The following SNX31 variants were observed in gnomAD, a reference collection of about 807,000 sequenced individuals.
SNX31 encodes the protein sorting nexin 31.
SNX31 carries 58 observed loss-of-function variants against 65.4 expected under a neutral mutation model. The ratio of observed to expected loss-of-function variants is 0.89; its 90% CI spans 0.72 to 1.10. The LOEUF (loss-of-function observed/expected upper bound fraction) is 1.10, where lower values mean the gene tolerates loss of function less well. Ranked by LOEUF, SNX31 falls within the 50% of genes least tolerant of loss-of-function variation. SNX31 has a pLI of 0.00. For synonymous variants in SNX31, 181 were observed against 190.1 expected (o/e 0.95, Z 0.39); for missense variants, 523 against 529.7 (o/e 0.99, Z 0.12).
chr8:100,574,353 G>A (rs1812857260), intron 13 of SNX31, among the ~76,000 whole-genome samples: 1 of 152,212 alleles, frequency 6.6e-6, no homozygotes, highest in African/African-American at 2.4e-5. Context: ...AGGCTGGGCG[G>A]CCAGGCGCAG....
chr8:100,636,157 A>G (rs1818759944), intron 2 of SNX31, 146 bp from the exon 3 acceptor site: 4 of 591,864 alleles, frequency 6.8e-6, no homozygotes, highest in Non-Finnish European at 1.2e-5. Flanking sequence ...GGAAAAGAGG[A>G]CAATCTGATT....
At chr8:100,601,688 T>G (rs531552423) in intron 8 of SNX31, among the ~76,000 whole-genome samples, 1 of 152,198 alleles carries the variant, frequency 6.6e-6, no homozygotes, top group Non-Finnish European at 1.5e-5. Context: ...AGGGTAACCA[T>G]CATCAGCAAG....
chr8:100,595,025 G>A (rs76517388), intron 10 of SNX31, among the ~76,000 whole-genome samples: 9,337 of 152,174 alleles, frequency 0.061, 848 homozygotes, highest in African/African-American at 0.19. Context: ...AAATTATGCA[G>A]AGCAAAAATG....
intron 7 of SNX31, among the ~76,000 whole-genome samples, chr8:100,611,095 T>C (rs1286601725): frequency 6.6e-6 from 1 of 152,214 alleles, no homozygotes; most frequent in African/African-American, 2.4e-5. Context: ...TGCAGAGGGA[T>C]ACTTGTGTCC....
chr8:100,615,125 G>A (rs1369601518), intron 5 of SNX31, among the ~76,000 whole-genome samples: 1 of 152,184 alleles, frequency 6.6e-6, no homozygotes, highest in Admixed American at 6.5e-5. Flanking sequence ...CACTTCTAGG[G>A]TAGAACCTCC....
upstream of SNX31, among the ~76,000 whole-genome samples, chr8:100,651,551 G>A (rs1257693828): frequency 3.3e-5 from 5 of 152,178 alleles, no homozygotes; most frequent in African/African-American, 9.7e-5. Flanking sequence ...GCAAGTCACC[G>A]TCCTCTTGCA....
intron 11 of SNX31, among the ~76,000 whole-genome samples, chr8:100,584,929 T>C (rs750092694): frequency 6.6e-6 from 1 of 152,074 alleles, no homozygotes; most frequent in East Asian, 1.9e-4. Context: ...TTCACCATGT[T>C]GGCCAGGCTG....
At position 100,588,873 on chromosome 8, in the gene SNX31, G is replaced by A. The variant is rs766922488; in HGVS notation, c.1085C>T (p.Thr362Ile). The change falls in exon 11 of 14, where the codon ACC (threonine) becomes ATC (isoleucine). Residue 362 changes from threonine (T) to isoleucine (I), a missense_variant. Physicochemically the swap from Thr to Ile is moderately conservative, Grantham distance 89. Coordinates refer to ENST00000311812, the MANE Select transcript of SNX31 (RefSeq NM_152628.4). This position sits in a 1 kb window ranked among gnomAD's most constrained non-coding sequence, Gnocchi z 4.8. ...DSCWQWFVIY[T>I]KQAFLLSSCL... ...TCTGCCCTGAGAACTCACCTGTTTG[G>A]TGTAAATAACAAACCACTGCCAGCA... 6.2e-7 allele frequency: 1 copy of A among 1,611,544 alleles called. No individual in the cohort carries two copies.
chr8:100,628,339 C>T (rs1242470176), intron 4 of SNX31, among the ~76,000 whole-genome samples: 1 of 152,058 alleles, frequency 6.6e-6, no homozygotes, highest in Non-Finnish European at 1.5e-5. Flanking sequence ...TGGAACCAAC[C>T]CAAATGTCCA....
intron 10 of SNX31, among the ~76,000 whole-genome samples, chr8:100,589,422 T>G (rs1014550770): frequency 1.3e-5 from 2 of 152,118 alleles, no homozygotes; most frequent in African/African-American, 4.8e-5. Context: ...CACCACAGTT[T>G]GATATATTAA....
intron 7 of SNX31, among the ~76,000 whole-genome samples, 189 bp from the exon 8 acceptor site, chr8:100,608,752 G>A (rs566066248): frequency 9.2e-5 from 14 of 152,020 alleles, no homozygotes; most frequent in Non-Finnish European, 2.9e-5. Context: ...TCTTTACACC[G>A]TAAGCTCTTG....
rs890836258 is a variant in SNX31 at position 100,626,038 on chromosome 8, C to A, written c.321+4289G>T. On this transcript the variant is annotated intron_variant, in intron 4 of 13. Transcript: ENST00000311812. The surrounding 1 kb of genome is among the most constrained non-coding windows in gnomAD (Gnocchi z 4.4). Reference sequence around the variant, plus strand: ...GGTCAGGAGTTCAAGACCAGCCTGACCAACATGGAGAAACCCCATCTCTAC... The same window carrying A: ...GGTCAGGAGTTCAAGACCAGCCTGAACAACATGGAGAAACCCCATCTCTAC... Among the ~76,000 whole-genome samples the A allele has an allele frequency of 6.6e-6, 1 of 152,074 alleles. No homozygotes were observed. The highest frequency in any genetic ancestry group is 1.5e-5 in the Non-Finnish European group (1 of 68,010).
Position 100,612,731 on chromosome 8 carries a change from C to T in SNX31, c.523+264G>A, listed in dbSNP as rs1253103046. On this transcript the variant is annotated intron_variant, in intron 6 of 13. Coordinates refer to ENST00000311812, the MANE Select transcript of SNX31 (RefSeq NM_152628.4). This position sits in a 1 kb window ranked among gnomAD's most constrained non-coding sequence, Gnocchi z 4.3. ...GTGGTCAGTGGTCAGGCCGGGCCTG[C>T]GGTAAAGGGGAGGGGGTCAGGATTA... 2.6e-5 allele frequency among the ~76,000 whole-genome samples: 4 copies of T among 151,974 alleles called. No homozygotes were observed. Among genetic ancestry groups the T allele is most frequent in the African/African-American group, 7.3e-5 (3 of 41,352 alleles).
intron 8 of SNX31, among the ~76,000 whole-genome samples, chr8:100,605,583 G>A (rs888065102): frequency 6.6e-6 from 1 of 152,176 alleles, no homozygotes; most frequent in African/African-American, 2.4e-5. Context: ...ATCTCAACAG[G>A]GAGATGTCGT....
upstream of SNX31, among the ~76,000 whole-genome samples, chr8:100,650,852 T>TC: frequency 6.8e-6 from 1 of 146,750 alleles, no homozygotes; most frequent in East Asian, 2.0e-4. Flanking sequence ...GTTTTTTTGT[T>TC]TTTTTTTTTT....
Position 100,625,771 on chromosome 8 carries a change from T to G in SNX31, c.321+4556A>C, listed in dbSNP as rs1201145226. 1.3e-5 allele frequency among the ~76,000 whole-genome samples: 2 copies of G among 152,104 alleles called. No homozygotes were observed. Among genetic ancestry groups the G allele is most frequent in the Non-Finnish European group, 2.9e-5 (2 of 68,012 alleles). On this transcript the variant is annotated intron_variant, in intron 4 of 13. Transcript: ENST00000311812. The surrounding 1 kb of genome is among the most constrained non-coding windows in gnomAD (Gnocchi z 4.2). ...AGCTGCCTCAAAGCAGTTAATCACATGGTGCTCAGCCTGTCTGAGAGCGCT... is the reference window on the plus strand; with the variant it reads ...AGCTGCCTCAAAGCAGTTAATCACAGGGTGCTCAGCCTGTCTGAGAGCGCT...
intron 1 of SNX31, among the ~76,000 whole-genome samples, chr8:100,661,132 A>G (rs927087890): frequency 6.6e-6 from 1 of 151,200 alleles, no homozygotes. Flanking sequence ...CAGCCTCCCG[A>G]GTAGCTGGAA....
intron 11 of SNX31, 34 bp from the exon 12 acceptor site, chr8:100,584,222 C>G (rs200059366): frequency 6.5e-7 from 1 of 1,545,132 alleles, no homozygotes; most frequent in African/African-American, 1.4e-5. Flanking sequence ...CTCTTGTAAC[C>G]GAAGAAATCT....
At chr8:100,602,046 C>T (rs62513874) in intron 8 of SNX31, among the ~76,000 whole-genome samples, 10,772 of 152,254 alleles carry the variant, frequency 0.071, 447 homozygotes, top group African/African-American at 0.095. Flanking sequence ...CTTGTCATGA[C>T]GGGGCAGAAT....
Sources: allele counts gnomAD v4.1 joint callset (sites outside exome capture counted in the v4.1 genomes callset), GRCh38; gene constraint gnomAD v4.1.1; non-coding constraint Gnocchi (gnomAD v3.1); transcripts MANE v1.5; gene names NCBI Gene and HGNC (gene_info 2026-07-23, HGNC 2026-07-21).